ROBO2: variants seen among roughly 807,000 people sequenced by gnomAD.
The protein encoded by ROBO2 is roundabout homolog 2.
Under a neutral mutation model 160.8 loss-of-function variants are expected in ROBO2, and 53 were observed. The ratio of observed to expected loss-of-function variants is 0.33; its 90% CI spans 0.26 to 0.41. The LOEUF (loss-of-function observed/expected upper bound fraction) is 0.41. Ranked by LOEUF, ROBO2 falls within the 10% of genes least tolerant of loss-of-function variation. ROBO2 has a pLI of 1.00. For synonymous variants in ROBO2, 664 were observed against 611.7 expected (o/e 1.09, Z -1.26); for missense variants, 1,577 against 1,722.4 (o/e 0.92, Z 1.49).
intron 2 of ROBO2, among the ~76,000 whole-genome samples, chr3:77,256,838 CA>C (rs968431867): frequency 4.6e-5 from 7 of 152,176 alleles, no homozygotes. Context: ...AGTGATTTCT[CA>C]GGCAATTTTT....
At chr3:77,358,949 T>G (rs1240964590) in intron 2 of ROBO2, among the ~76,000 whole-genome samples, 1 of 152,218 alleles carries the variant, frequency 6.6e-6, no homozygotes, top group African/African-American at 2.4e-5. Flanking sequence ...CTGAGTATGC[T>G]TTGTGTTCTT....
intron 23 of ROBO2, 161 bp from the exon 25 acceptor site, chr3:77,634,709 T>A: frequency 1.4e-6 from 1 of 727,846 alleles, no homozygotes. Context: ...CAGCTGAGAA[T>A]GTAGAAAATA....
intron 2 of ROBO2, among the ~76,000 whole-genome samples, chr3:76,122,569 T>G (rs1340637400): frequency 1.3e-5 from 2 of 152,162 alleles, no homozygotes; most frequent in Non-Finnish European, 1.5e-5. Flanking sequence ...TTTTTAAAAA[T>G]AATCCATGGA....
chr3:76,694,481 T>A (rs545609437), intron 2 of ROBO2, among the ~76,000 whole-genome samples: 2 of 152,244 alleles, frequency 1.3e-5, no homozygotes, highest in East Asian at 3.9e-4. Flanking sequence ...CTTTATTATT[T>A]TTCTCACCAA....
chr3:76,881,657 T>C (rs2073347434), intron 2 of ROBO2, among the ~76,000 whole-genome samples: 1 of 152,232 alleles, frequency 6.6e-6, no homozygotes, highest in Admixed American at 6.5e-5. Flanking sequence ...ATAAATTACA[T>C]GTTGAATGAA....
At chr3:77,194,153 A>G (rs1156618087) in intron 2 of ROBO2, among the ~76,000 whole-genome samples, 8 of 152,202 alleles carry the variant, frequency 5.3e-5, no homozygotes, top group African/African-American at 1.9e-4. Flanking sequence ...TTTGTATAAT[A>G]AGCTAGTTCT....
intron 2 of ROBO2, among the ~76,000 whole-genome samples, chr3:76,122,166 T>C (rs1414812396): frequency 6.6e-6 from 1 of 152,188 alleles, no homozygotes; most frequent in African/African-American, 2.4e-5. Context: ...TCTAATGCTC[T>C]GAAAGGCATT....
At chr3:77,643,018 GTTGT>G (rs2095370471) in intron 24 of ROBO2, 75 bp downstream of exon 26, 1 of 433,560 alleles carries the variant, frequency 2.3e-6, no homozygotes. Context: ...AGAAATGGCA[GTTGT>G]TTAAGGGCAT....
At chr3:76,152,543 C>G (rs1244899680) in intron 2 of ROBO2, among the ~76,000 whole-genome samples, 1 of 151,852 alleles carries the variant, frequency 6.6e-6, no homozygotes, top group Non-Finnish European at 1.5e-5. Context: ...GATTGTCCTT[C>G]TAATGTGTGC....
chr3:76,352,669 T>C (rs376268986), intron 2 of ROBO2, among the ~76,000 whole-genome samples: 9 of 151,978 alleles, frequency 5.9e-5, no homozygotes, highest in Admixed American at 1.3e-4. Flanking sequence ...TCATGAATGA[T>C]TGATGAAGCG....
chr3:76,592,165 C>G (rs1417480807), intron 2 of ROBO2, among the ~76,000 whole-genome samples: 2 of 151,932 alleles, frequency 1.3e-5, no homozygotes, highest in Non-Finnish European at 2.9e-5. Flanking sequence ...CTATTGCTAC[C>G]TCTCCTAGAT....
intron 3 of ROBO2, among the ~76,000 whole-genome samples, chr3:77,478,041 G>C (rs2084247515): frequency 6.6e-6 from 1 of 151,648 alleles, no homozygotes; most frequent in Admixed American, 6.6e-5. Context: ...TGGCCAGGAT[G>C]GTCTCCATCT....
intron 2 of ROBO2, among the ~76,000 whole-genome samples, chr3:75,983,446 A>C (rs2065332250): frequency 6.6e-6 from 1 of 151,408 alleles, no homozygotes; most frequent in African/African-American, 2.4e-5. Flanking sequence ...AAGTTATGAT[A>C]AACTTATGTG....
chr3:76,912,534 T>C (rs13088432), intron 2 of ROBO2, among the ~76,000 whole-genome samples: 47,202 of 152,030 alleles, frequency 0.31, 8,054 homozygotes, highest in African/African-American at 0.46. Flanking sequence ...TATCAGCATG[T>C]AATAATCAGT....
chr3:76,266,929 T>C (rs1472831733), intron 2 of ROBO2, among the ~76,000 whole-genome samples: 1 of 152,216 alleles, frequency 6.6e-6, no homozygotes, highest in Non-Finnish European at 1.5e-5. Flanking sequence ...GAAATAGCTG[T>C]GCATTCAATT....
chr3:77,073,720 T>C (rs574289493), intron 1 of ROBO2, among the ~76,000 whole-genome samples: 5 of 152,204 alleles, frequency 3.3e-5, no homozygotes, highest in Non-Finnish European at 5.9e-5. Context: ...GAATAGTAAG[T>C]GATTTCCTCC....
chr3:76,123,770 G>A (rs1455772144), intron 2 of ROBO2, among the ~76,000 whole-genome samples: 1 of 151,956 alleles, frequency 6.6e-6, no homozygotes, highest in Non-Finnish European at 1.5e-5. Flanking sequence ...CACACTCTCT[G>A]GTGTATTAGC....
intron 2 of ROBO2, among the ~76,000 whole-genome samples, chr3:76,669,551 C>T (rs2092182811): frequency 6.6e-6 from 1 of 152,086 alleles, no homozygotes; most frequent in South Asian, 2.1e-4. Context: ...GTCTCACCTG[C>T]TCTGCCACCC....
Position 76,037,007 on chromosome 3 carries a change from C to T in ROBO2, c.109+99405C>T, listed in dbSNP as rs141954684. Among the ~76,000 whole-genome samples the T allele has an allele frequency of 2.7e-3, 413 of 151,962 alleles. 5 individuals carry two copies. In the East Asian group the frequency reaches 0.033, roughly 12 times the overall value. On this transcript the variant is annotated intron_variant, in intron 2 of 26. Coordinates refer to the ROBO2 transcript ENST00000487694. Reference sequence around the variant, plus strand: ...TTGGAAAAGCAATTATCTTGCCATCCTCTTTGTTGTCTTCTGATTTCGACT... The same window carrying T: ...TTGGAAAAGCAATTATCTTGCCATCTTCTTTGTTGTCTTCTGATTTCGACT...
Sources: gnomAD v4.1 joint callset for allele counts (sites outside exome capture counted in the v4.1 genomes callset) on GRCh38, gnomAD v4.1.1 for gene constraint, MANE v1.5 for transcripts, NCBI Gene and HGNC (gene_info 2026-07-23, HGNC 2026-07-21) for gene names.